PTPRT: variants seen among roughly 807,000 people sequenced by gnomAD.
The protein encoded by PTPRT is protein tyrosine phosphatase receptor type T, also known as receptor-type tyrosine-protein phosphatase T.
A neutral mutation model predicts 176.8 loss-of-function variants in PTPRT; 56 were observed. The ratio of observed to expected loss-of-function variants is 0.32; its 90% CI spans 0.26 to 0.40. PTPRT has a LOEUF of 0.40. PTPRT is among the 10% of genes least tolerant of loss of function. The pLI is 1.00. For missense variants in PTPRT, 1,540 were observed against 1,908.2 expected (o/e 0.81, Z 3.60); for synonymous variants, 783 against 739.0 (o/e 1.06, Z -0.96).
In PTPRT at chr20:42,074,938, C is replaced by T. The variant is rs548776968; in HGVS notation, c.*5941G>A. The T allele has an allele frequency of 3.1e-4, 125 of 397,654 alleles. No homozygotes were observed. The highest frequency in any genetic ancestry group is 2.0e-3 in the African/African-American group (98 of 48,712). The allele number at this position is 397,654 out of a possible 1,614,324, so 24.6% of individuals were successfully genotyped here. A position where few individuals can be genotyped will look rare whatever the true frequency, so the allele number is the denominator to read the frequency against. ...TGGCTTAGATATCTCTGCTGTGCTT[C>T]GGAGGATCAGATCCATGATCCTGAA... On this transcript the variant is annotated 3_prime_UTR_variant, in exon 31 of 31. Coordinates refer to ENST00000373187, the MANE Select transcript of PTPRT (RefSeq NM_007050.6).
chr20:42,712,532 T>C (rs2076160209), intron 6 of PTPRT, among the ~76,000 whole-genome samples: 1 of 152,184 alleles, frequency 6.6e-6, no homozygotes, highest in African/African-American at 2.4e-5. Flanking sequence ...ATACCCAGAT[T>C]CACGACCACC....
chr20:42,408,386 G>A (rs376999181), intron 9 of PTPRT, among the ~76,000 whole-genome samples: 11 of 152,154 alleles, frequency 7.2e-5, no homozygotes, highest in East Asian at 1.9e-4. Context: ...AAACCCGTGC[G>A]TGTGTGTGTA....
chr20:43,018,244 T>C (rs1264196994), intron 1 of PTPRT, among the ~76,000 whole-genome samples: 1 of 152,054 alleles, frequency 6.6e-6, no homozygotes, highest in Non-Finnish European at 1.5e-5. Context: ...GAATAAGAAA[T>C]AAAGGCCAAG....
At chr20:43,181,052 T>G (rs2015245841) in intron 1 of PTPRT, among the ~76,000 whole-genome samples, 2 of 152,176 alleles carry the variant, frequency 1.3e-5, no homozygotes, top group South Asian at 4.1e-4. Flanking sequence ...GCTGCCACAC[T>G]GTGAGCTGTC....
At chr20:42,364,842 G>T (rs1288420186) in intron 9 of PTPRT, among the ~76,000 whole-genome samples, 1 of 152,310 alleles carries the variant, frequency 6.6e-6, no homozygotes, top group East Asian at 1.9e-4. Flanking sequence ...GGCTCAGAGA[G>T]GTTAGGAAGC....
rs536455506 is a variant in PTPRT at position 43,023,687 on chromosome 20, C to T, written c.89-137755G>A. On this transcript the variant is annotated intron_variant, in intron 1 of 30. Transcript: ENST00000373187. Reference sequence around the variant, plus strand: ...GGCCTAGAAGCCACGGCTGCTTCTCCTCTCATCTCCAGCACAGTTCAGCTC... The same window carrying T: ...GGCCTAGAAGCCACGGCTGCTTCTCTTCTCATCTCCAGCACAGTTCAGCTC... 1.9e-3 allele frequency among the ~76,000 whole-genome samples: 282 copies of T among 152,168 alleles called. 1 individual carries two copies. Among genetic ancestry groups the T allele is most frequent in the Non-Finnish European group, 2.4e-3 (166 of 68,034 alleles).
chr20:42,255,076 G>A (rs2056615027), intron 13 of PTPRT, among the ~76,000 whole-genome samples: 1 of 152,082 alleles, frequency 6.6e-6, no homozygotes, highest in Non-Finnish European at 1.5e-5. Context: ...GAGCTGGCTG[G>A]AACATCCTGT....
intron 15 of PTPRT, among the ~76,000 whole-genome samples, chr20:42,235,588 CT>C (rs36073613): frequency 3.3e-5 from 5 of 151,962 alleles, no homozygotes; most frequent in Middle Eastern, 3.4e-3. Flanking sequence ...AAAATAATCA[CT>C]TTTTTTTAGC....
At chr20:42,152,592 G>T (rs371039772) in intron 17 of PTPRT, among the ~76,000 whole-genome samples, 6 of 152,336 alleles carry the variant, frequency 3.9e-5, no homozygotes, top group Admixed American at 2.0e-4. Context: ...CCTTCAAGAA[G>T]TCTATAGCTT....
chr20:43,119,005 C>T (rs1216354628), intron 1 of PTPRT, among the ~76,000 whole-genome samples: 1 of 152,142 alleles, frequency 6.6e-6, no homozygotes, highest in Non-Finnish European at 1.5e-5. Context: ...TTCATTAAAG[C>T]CCTTTTTACA....
chr20:42,498,222 C>A (rs1017009377), intron 7 of PTPRT, among the ~76,000 whole-genome samples: 3 of 152,040 alleles, frequency 2.0e-5, no homozygotes. Context: ...AAATTCTAAG[C>A]CCCCCAGTCA....
At chr20:42,103,492 G>A (rs1275761783) in intron 25 of PTPRT, among the ~76,000 whole-genome samples, 1 of 152,130 alleles carries the variant, frequency 6.6e-6, no homozygotes, top group Non-Finnish European at 1.5e-5. Context: ...TTGAGATGGA[G>A]TCTCACTCTG....
intron 6 of PTPRT, among the ~76,000 whole-genome samples, chr20:42,697,463 A>G (rs1434352866): frequency 6.6e-6 from 1 of 152,250 alleles, no homozygotes; most frequent in Admixed American, 6.5e-5. Flanking sequence ...ATTAACTTGC[A>G]AATTACTCGA....
chr20:42,298,923 AAAAAC>A (rs775264813), intron 12 of PTPRT, among the ~76,000 whole-genome samples: 21 of 152,292 alleles, frequency 1.4e-4, no homozygotes, highest in Admixed American at 5.2e-4. Context: ...TCTGTCTCAA[AAAAAC>A]AAAACAAAAC....
Position 42,272,721 on chromosome 20 carries a change from GCACACA to G in PTPRT, c.2176+9762_2176+9767del, listed in dbSNP as rs58728446. On this transcript the variant is annotated intron_variant, in intron 13 of 30. Coordinates refer to ENST00000373187, the MANE Select transcript of PTPRT (RefSeq NM_007050.6). ...CGCATGCGTGCACACACACGTGCGCGCACACACACACACACACACACACACATACAG... is the reference window on the plus strand; with the variant it reads ...CGCATGCGTGCACACACACGTGCGCGCACACACACACACACACACATACAG... Among the ~76,000 whole-genome samples the G allele has an allele frequency of 4.8e-3, 723 of 149,294 alleles. 6 individuals are homozygous for G. Among genetic ancestry groups the G allele is most frequent in the Non-Finnish European group, 8.6e-3 (580 of 67,220 alleles).
At chr20:42,194,721 C>T (rs1170980903) in intron 16 of PTPRT, among the ~76,000 whole-genome samples, 3 of 152,168 alleles carry the variant, frequency 2.0e-5, no homozygotes, top group Non-Finnish European at 4.4e-5. Context: ...AAATGGAAAA[C>T]AATGCACGTT....
chr20:42,254,999 AC>A (rs1262319176), intron 13 of PTPRT, among the ~76,000 whole-genome samples: 1 of 150,968 alleles, frequency 6.6e-6, no homozygotes, highest in Admixed American at 6.6e-5. Context: ...GTCCATTCCC[AC>A]CCCCTCACCC....
chr20:42,941,405 C>A (rs1352278784), intron 1 of PTPRT, among the ~76,000 whole-genome samples: 2 of 152,192 alleles, frequency 1.3e-5, no homozygotes, highest in African/African-American at 4.8e-5. Flanking sequence ...CTCCCCTTGA[C>A]TCTCCTTTTC....
chr20:43,112,936 G>A (rs537509345), intron 1 of PTPRT, among the ~76,000 whole-genome samples: 7 of 151,916 alleles, frequency 4.6e-5, no homozygotes, highest in Non-Finnish European at 8.8e-5. Context: ...TGATATAAAC[G>A]TATCTCCTGG....
Sources: allele counts gnomAD v4.1 joint callset (sites outside exome capture counted in the v4.1 genomes callset), GRCh38; gene constraint gnomAD v4.1.1; transcripts MANE v1.5; gene names NCBI Gene and HGNC (gene_info 2026-07-23, HGNC 2026-07-21).